Variants in STK39 observed in about 807,000 individuals in gnomAD.
STK39 encodes the protein serine/threonine kinase 39, also known as STE20/SPS1-related proline-alanine-rich protein kinase.
STK39 carries 20 observed loss-of-function variants against 77.8 expected under a neutral mutation model. That is an observed-to-expected ratio of 0.26 (90% CI 0.18 to 0.37). STK39 has a LOEUF of 0.37. STK39 is among the 10% of genes least tolerant of loss of function. The probability of loss-of-function intolerance (pLI) is 1.00; values close to 1 mark genes in which losing one functional copy is unlikely to be tolerated. For missense variants in STK39, 479 were observed against 656.5 expected (o/e 0.73, Z 2.95); for synonymous variants, 246 against 234.1 (o/e 1.05, Z -0.47).
chr2:168,142,717 C>T (rs1226749993), intron 5 of STK39, among the ~76,000 whole-genome samples: 2 of 152,224 alleles, frequency 1.3e-5, no homozygotes, highest in Non-Finnish European at 2.9e-5. Flanking sequence ...TTTGAACACT[C>T]ACTTTAAAGT....
At chr2:168,152,439 G>T (rs1172299569) in intron 5 of STK39, among the ~76,000 whole-genome samples, 1 of 152,192 alleles carries the variant, frequency 6.6e-6, no homozygotes, top group Non-Finnish European at 1.5e-5. Context: ...TAGGTCCTTG[G>T]AGAACATCTT....
intron 1 of STK39, among the ~76,000 whole-genome samples, chr2:168,244,614 A>G (rs1690853259): frequency 6.6e-6 from 1 of 152,238 alleles, no homozygotes; most frequent in Non-Finnish European, 1.5e-5. Flanking sequence ...CCACAAGTTC[A>G]GTCTTAATCT....
intron 2 of STK39, among the ~76,000 whole-genome samples, 190 bp downstream of exon 2, chr2:168,181,788 G>A (rs865817619): frequency 2.0e-5 from 3 of 152,162 alleles, no homozygotes; most frequent in Non-Finnish European, 2.9e-5. Context: ...AGCAAGGGAA[G>A]GTGTTCATTA....
At chr2:167,975,544 G>A (rs139514205) in intron 16 of STK39, among the ~76,000 whole-genome samples, 2,291 of 152,270 alleles carry the variant, frequency 0.015, 21 homozygotes, top group Middle Eastern at 0.02. Context: ...GGCCGGGCAC[G>A]GTGGCTCACG....
intron 4 of STK39, 40 bp from the exon 5 acceptor site, chr2:168,161,882 G>A (rs535312322): frequency 2.0e-6 from 3 of 1,477,044 alleles, no homozygotes; most frequent in Non-Finnish European, 2.8e-6. Context: ...GTAGGGTACA[G>A]ACTTTATAGT....
intron 1 of STK39, among the ~76,000 whole-genome samples, chr2:168,198,106 C>A (rs1689521558): frequency 6.6e-6 from 1 of 151,888 alleles, no homozygotes; most frequent in South Asian, 2.1e-4. Context: ...TTAGAAATCC[C>A]ATTGCCCAAA....
intron 16 of STK39, among the ~76,000 whole-genome samples, chr2:167,998,302 CT>C (rs1205096537): frequency 6.6e-6 from 1 of 152,200 alleles, no homozygotes; most frequent in Non-Finnish European, 1.5e-5. Context: ...TAAATGCTCA[CT>C]TTAATTTAGA....
intron 10 of STK39, among the ~76,000 whole-genome samples, chr2:168,083,209 T>G (rs1375354137): frequency 6.6e-6 from 1 of 151,930 alleles, no homozygotes; most frequent in Non-Finnish European, 1.5e-5. Flanking sequence ...CTTGGCCTGA[T>G]CTGCCCTTCC....
At chr2:168,183,026 A>G (rs1322841596) in intron 1 of STK39, among the ~76,000 whole-genome samples, 2 of 152,324 alleles carry the variant, frequency 1.3e-5, no homozygotes, top group South Asian at 2.1e-4. Flanking sequence ...AAATAGCATC[A>G]TAAAAGGGAA....
intron 1 of STK39, among the ~76,000 whole-genome samples, chr2:168,219,395 C>A (rs1305074370): frequency 1.3e-5 from 2 of 152,098 alleles, no homozygotes; most frequent in South Asian, 4.1e-4. Flanking sequence ...ATAAGTCAGG[C>A]ACTATGGGGA....
intron 10 of STK39, among the ~76,000 whole-genome samples, chr2:168,115,038 G>A (rs1302165289): frequency 6.6e-6 from 1 of 152,130 alleles, no homozygotes; most frequent in Non-Finnish European, 1.5e-5. Flanking sequence ...AGGACCCTAA[G>A]CTGGGATCTA....
chr2:168,102,266 C>T (rs1237521633), intron 10 of STK39, among the ~76,000 whole-genome samples: 1 of 152,104 alleles, frequency 6.6e-6, no homozygotes, highest in East Asian at 1.9e-4. Flanking sequence ...TTTTATACTC[C>T]CACCAGCATG....
At chr2:168,240,743 G>T (rs558357923) in intron 1 of STK39, among the ~76,000 whole-genome samples, 1 of 152,236 alleles carries the variant, frequency 6.6e-6, no homozygotes, top group Non-Finnish European at 1.5e-5. Context: ...TCCAAACACT[G>T]GTATACAGTC....
intron 14 of STK39, among the ~76,000 whole-genome samples, chr2:168,021,725 A>G (rs1684576903): frequency 6.6e-6 from 1 of 152,146 alleles, no homozygotes; most frequent in Admixed American, 6.6e-5. Context: ...TTGGTAAGGT[A>G]CAGCCTCTTA....
intron 10 of STK39, among the ~76,000 whole-genome samples, chr2:168,087,137 G>A (rs573765637): frequency 5.9e-5 from 9 of 152,190 alleles, no homozygotes; most frequent in African/African-American, 1.2e-4. Context: ...AAAGGAAAAC[G>A]CAGAAACCAA....
chr2:168,229,584 G>A (rs1690399447), intron 1 of STK39, among the ~76,000 whole-genome samples: 1 of 152,004 alleles, frequency 6.6e-6, no homozygotes, highest in South Asian at 2.1e-4. Context: ...TGTGAAACGG[G>A]GAATAAAATA....
intron 10 of STK39, among the ~76,000 whole-genome samples, chr2:168,078,777 C>T (rs1686149136): frequency 6.6e-6 from 1 of 151,950 alleles, no homozygotes; most frequent in Non-Finnish European, 1.5e-5. Context: ...ACCCACTAGC[C>T]TCTCCCACTG....
At chr2:168,128,152 G>C (rs1687593852) in intron 10 of STK39, among the ~76,000 whole-genome samples, 1 of 152,152 alleles carries the variant, frequency 6.6e-6, no homozygotes, top group Non-Finnish European at 1.5e-5. Flanking sequence ...GATGGGATCA[G>C]ATGACACTTC....
At chr2:168,116,742 T>C (rs1687269871) in intron 10 of STK39, among the ~76,000 whole-genome samples, 1 of 152,168 alleles carries the variant, frequency 6.6e-6, no homozygotes, top group Admixed American at 6.6e-5. Flanking sequence ...ATAGAACCCT[T>C]CCTTTCCCCG....
Sources: allele counts gnomAD v4.1 joint callset (sites outside exome capture counted in the v4.1 genomes callset), GRCh38; gene constraint gnomAD v4.1.1; transcripts MANE v1.5; gene names NCBI Gene and HGNC (gene_info 2026-07-23, HGNC 2026-07-21).